Variants in SLIT3 observed in about 807,000 individuals in gnomAD.
SLIT3 encodes the protein slit homolog 3 protein.
Under a neutral mutation model 184.0 loss-of-function variants are expected in SLIT3, and 68 were observed. The observed-to-expected ratio is 0.37, with a 90% CI of 0.30 to 0.45. SLIT3 has a LOEUF of 0.45. SLIT3 is among the 20% of genes least tolerant of loss of function. The pLI, the probability that SLIT3 is intolerant of heterozygous loss-of-function variation, is 1.00. For synonymous variants in SLIT3, 831 were observed against 828.6 expected, an observed-to-expected ratio of 1.00 and a Z score of -0.05; for missense variants, 1,707 against 2,026.0, an observed-to-expected ratio of 0.84 and a Z score of 3.02.
At chr5:168,758,568 G>T (rs1755030928) in intron 16 of SLIT3, among the ~76,000 whole-genome samples, 1 of 152,224 alleles carries the variant, frequency 6.6e-6, no homozygotes, top group Admixed American at 6.5e-5. Flanking sequence ...CTGGACCCCA[G>T]TGACAGCCAT....
Position 169,300,413 on chromosome 5 carries a change from C to T in SLIT3, c.197+100G>A, listed in dbSNP as rs1767645131. 6 of 1,336,042 alleles carry T rather than the reference C, an allele frequency of 4.5e-6. No homozygotes were observed. The highest frequency in any genetic ancestry group is 5.8e-6 in the Non-Finnish European group (6 of 1,037,404). The allele number at this position is 1,336,042 out of a possible 1,614,324, so 82.8% of individuals were successfully genotyped here. A position where few individuals can be genotyped will look rare whatever the true frequency, so the allele number is the denominator to read the frequency against. On this transcript the variant is annotated intron_variant, in intron 1 of 35. Transcript: ENST00000519560. The surrounding 1 kb of genome is among the most constrained non-coding windows in gnomAD (Gnocchi z 4.1). ...CAGGAAGGGATGAGAATAGAGACTG[C>T]ATCCAGGGAGGCCGAGGGGAAAGGA... is the stretch of plus-strand genomic sequence containing the variant.
chr5:169,226,805 A>G (rs981399361), intron 3 of SLIT3, among the ~76,000 whole-genome samples: 2 of 152,152 alleles, frequency 1.3e-5, no homozygotes, highest in Non-Finnish European at 2.9e-5. Context: ...CTCAGGTAAG[A>G]TTCACTTTCA....
intron 4 of SLIT3, among the ~76,000 whole-genome samples, chr5:169,066,132 A>G (rs1215393831): frequency 1.3e-5 from 2 of 152,242 alleles, no homozygotes; most frequent in Non-Finnish European, 2.9e-5. Flanking sequence ...CATAGCTGGC[A>G]CTAAAATGTA....
intron 3 of SLIT3, among the ~76,000 whole-genome samples, chr5:169,203,832 T>A (rs1056616238): frequency 2.0e-5 from 3 of 151,974 alleles, no homozygotes; most frequent in Admixed American, 6.6e-5. Context: ...ACTTTGGAAC[T>A]ACTGTTAGCC....
intron 14 of SLIT3, 53 bp downstream of exon 14, chr5:168,772,728 G>C (rs148917130): frequency 8.7e-6 from 14 of 1,603,322 alleles, no homozygotes; most frequent in Non-Finnish European, 1.2e-5. Context: ...GGCCTCTCTG[G>C]GGCTGCTGCA....
chr5:168,796,351 C>T (rs550927734), intron 9 of SLIT3, among the ~76,000 whole-genome samples: 82 of 152,290 alleles, frequency 5.4e-4, no homozygotes, highest in Middle Eastern at 3.4e-3. Context: ...CATTTCCATT[C>T]TTTATTCTTT....
intron 4 of SLIT3, among the ~76,000 whole-genome samples, chr5:169,181,940 G>A (rs764845118): frequency 7.9e-5 from 12 of 152,244 alleles, no homozygotes; most frequent in South Asian, 2.1e-4. Flanking sequence ...TTTATCTGGA[G>A]AAACGTTGGC....
intron 32 of SLIT3, among the ~76,000 whole-genome samples, chr5:168,680,545 CT>C (rs1029896086): frequency 1.3e-5 from 2 of 152,380 alleles, no homozygotes; most frequent in African/African-American, 4.8e-5. Flanking sequence ...GTTAGAATAG[CT>C]TTGGCTGGGC....
intron 4 of SLIT3, among the ~76,000 whole-genome samples, chr5:169,072,755 G>A (rs190612043): frequency 2.0e-5 from 3 of 152,304 alleles, no homozygotes; most frequent in East Asian, 3.9e-4. Context: ...GGAGGCACTG[G>A]CCAGAGTAAT....
intron 8 of SLIT3, among the ~76,000 whole-genome samples, chr5:168,814,105 C>T (rs1581109022): frequency 6.6e-6 from 1 of 152,130 alleles, no homozygotes; most frequent in African/African-American, 2.4e-5. Flanking sequence ...CAGTTAAAAA[C>T]CACCACAGGG....
intron 3 of SLIT3, among the ~76,000 whole-genome samples, chr5:169,238,702 T>G (rs1347541299): frequency 1.3e-5 from 2 of 152,128 alleles, no homozygotes; most frequent in African/African-American, 4.8e-5. Context: ...TCTACTATTG[T>G]TCCTTTTCTG....
In SLIT3 at chr5:168,775,168, G is replaced by C. The variant is rs144559259; in HGVS notation, c.1152-790C>G. Among the ~76,000 whole-genome samples the C allele has an allele frequency of 1.6e-3, 250 of 152,124 alleles. 9 individuals are homozygous for C. In the East Asian group the frequency reaches 0.041, roughly 25 times the overall value. ...TTCTCCTGGCTCAGGCTCCTGAGGAGCTGGGATTACAGGTGTGCACCACCA... is the reference window on the plus strand; with the variant it reads ...TTCTCCTGGCTCAGGCTCCTGAGGACCTGGGATTACAGGTGTGCACCACCA... On this transcript the variant is annotated intron_variant, in intron 12 of 35. Coordinates refer to ENST00000519560, the MANE Select transcript of SLIT3 (RefSeq NM_003062.4).
chr5:168,949,197 A>G (rs745643514), intron 4 of SLIT3, among the ~76,000 whole-genome samples: 1 of 152,202 alleles, frequency 6.6e-6, no homozygotes, highest in Non-Finnish European at 1.5e-5. Context: ...TCTTATCTCC[A>G]GGCAAACCTG....
At position 168,874,952 on chromosome 5, in the gene SLIT3, C is replaced by G. The variant is rs560962248; in HGVS notation, c.485+8313G>C. Among the ~76,000 whole-genome samples, 5 of 152,208 alleles carry G rather than the reference C, an allele frequency of 3.3e-5. No homozygotes were observed. The East Asian group carries it at 9.7e-4, about 29-fold the overall frequency. On this transcript the variant is annotated intron_variant, in intron 5 of 35. Transcript: ENST00000519560. ...AGACAAAAATTCACTAGAGCAGGAC[C>G]GTGTCTTAGTCATCTTTCTTAAGAT...
intron 9 of SLIT3, among the ~76,000 whole-genome samples, chr5:168,797,584 T>C (rs1206530964): frequency 6.6e-6 from 1 of 152,146 alleles, no homozygotes; most frequent in African/African-American, 2.4e-5. Context: ...GAGAGACTAA[T>C]CAAGGAACAT....
intron 3 of SLIT3, among the ~76,000 whole-genome samples, chr5:169,207,223 G>C (rs947525167): frequency 6.6e-6 from 1 of 151,888 alleles, no homozygotes; most frequent in Non-Finnish European, 1.5e-5. Flanking sequence ...CAAACTTATT[G>C]GCGTTTCAAA....
chr5:169,116,503 A>G (rs1760669830), intron 4 of SLIT3, among the ~76,000 whole-genome samples: 1 of 152,210 alleles, frequency 6.6e-6, no homozygotes, highest in South Asian at 2.1e-4. Flanking sequence ...GAATTTGAGG[A>G]CAGAAAACCC....
At chr5:169,100,305 C>T (rs1242085860) in intron 4 of SLIT3, among the ~76,000 whole-genome samples, 2 of 152,148 alleles carry the variant, frequency 1.3e-5, no homozygotes, top group Non-Finnish European at 2.9e-5. Flanking sequence ...CTGGACTTAA[C>T]AGTTGGGATC....
intron 26 of SLIT3, among the ~76,000 whole-genome samples, chr5:168,705,553 A>C (rs1011975642): frequency 6.6e-6 from 1 of 152,082 alleles, no homozygotes. Flanking sequence ...CTTCACCATC[A>C]TCATCTTCAC....
Sources: gnomAD v4.1 joint callset for allele counts (sites outside exome capture counted in the v4.1 genomes callset) on GRCh38, gnomAD v4.1.1 for gene constraint, Gnocchi (gnomAD v3.1) non-coding constraint, MANE v1.5 for transcripts, NCBI Gene and HGNC (gene_info 2026-07-23, HGNC 2026-07-21) for gene names.